Variants in USP33 observed in about 807,000 individuals in gnomAD.
The protein encoded by USP33 is ubiquitin carboxyl-terminal hydrolase 33.
A neutral mutation model predicts 124.2 loss-of-function variants in USP33; 46 were observed. The ratio of observed to expected loss-of-function variants is 0.37; its 90% CI spans 0.29 to 0.47. The LOEUF (loss-of-function observed/expected upper bound fraction) is 0.47, where lower values mean the gene tolerates loss of function less well. Among genes scored for constraint, USP33 ranks in the 20% least tolerant of loss-of-function variants. The pLI, the probability that USP33 is intolerant of heterozygous loss-of-function variation, is 0.99. For missense variants in USP33, 851 were observed against 1,070.6 expected, an observed-to-expected ratio of 0.79 and a Z score of 2.86; for synonymous variants, 350 against 352.3, an observed-to-expected ratio of 0.99 and a Z score of 0.07.
At chr1:77,697,542 GT>G in intron 23 of USP33, 68 bp from the exon 24 acceptor site, 1 of 1,487,840 alleles carries the variant, frequency 6.7e-7, no homozygotes, top group African/African-American at 1.4e-5. Context: ...CGTTCATAAT[GT>G]ACCCCCCAGC....
At chr1:77,702,141 CAAAAAAAAAAAAAAAAAA>C (rs58750531) in intron 21 of USP33, among the ~76,000 whole-genome samples, 826 of 15,782 alleles carry the variant, frequency 0.052, 42 homozygotes, top group Middle Eastern at 0.12. Context: ...GACCCTGTCT[CAAAAAAAAAAAAAAAAAA>C]AAAAAAAAAA....
At chr1:77,731,734 T>A (rs970848069) in intron 7 of USP33, among the ~76,000 whole-genome samples, 2 of 152,000 alleles carry the variant, frequency 1.3e-5, no homozygotes, top group Admixed American at 1.3e-4. Flanking sequence ...ACAAAGTAAA[T>A]CGGTGGAAGC....
In USP33 at chr1:77,730,743, A is replaced by G. The variant is rs1460294706; in HGVS notation, c.525-12T>C. 1.9e-6 allele frequency: 3 copies of G among 1,552,648 alleles called. No individual in the cohort carries two copies. In the South Asian group the frequency reaches 3.7e-5, roughly 19 times the overall value. On this transcript the variant is annotated splice_polypyrimidine_tract_variant and intron_variant, in intron 7 of 23. Coordinates refer to ENST00000370794, the MANE Select transcript of USP33 (RefSeq NM_201624.3). ...GTGTCAAAGGTGGGCTAATTTTAAA[A>G]AGAGAAAAATGTTAGAGTGGAGTCA...
intron 22 of USP33, among the ~76,000 whole-genome samples, chr1:77,700,456 T>C (rs1673878794): frequency 6.6e-6 from 1 of 152,074 alleles, no homozygotes; most frequent in Admixed American, 6.6e-5. Context: ...AAATAATTTT[T>C]AAATTAGCCA....
At chr1:77,704,037 C>T (rs1294565398) in intron 21 of USP33, among the ~76,000 whole-genome samples, 6 of 151,426 alleles carry the variant, frequency 4.0e-5, no homozygotes, top group Admixed American at 6.6e-5. Context: ...ATCTCTTGAG[C>T]GTGGGAGATC....
chr1:77,737,326 G>C (rs1678587625), intron 5 of USP33, among the ~76,000 whole-genome samples: 1 of 152,178 alleles, frequency 6.6e-6, no homozygotes, highest in Non-Finnish European at 1.5e-5. Flanking sequence ...GGACATTTGA[G>C]TGGACTTCAT....
intron 10 of USP33, among the ~76,000 whole-genome samples, chr1:77,727,191 A>G (rs1022492216): frequency 4.6e-5 from 7 of 152,174 alleles, no homozygotes; most frequent in African/African-American, 1.7e-4. Flanking sequence ...CCAGAGATGA[A>G]GTGTTTTAGG....
At chr1:77,706,313 T>C (rs1674622923) in intron 21 of USP33, among the ~76,000 whole-genome samples, 2 of 152,232 alleles carry the variant, frequency 1.3e-5, no homozygotes, top group African/African-American at 2.4e-5. Flanking sequence ...GTGTACTTTT[T>C]ATGTGCTTAT....
At position 77,697,180 on chromosome 1, in the gene USP33, C is replaced by A; in HGVS notation, c.*137G>T. 1.3e-6 allele frequency: 1 copy of A among 769,266 alleles called. No homozygotes were observed. The highest frequency in any genetic ancestry group is 1.8e-5 in the African/African-American group (1 of 56,202). 47.7% of individuals were successfully genotyped at this position (769,266 alleles called of 1,614,324 possible). A position where few individuals can be genotyped will look rare whatever the true frequency, so the allele number is the denominator to read the frequency against. ...ATTTTAATATATTCTTCCATAATGCCCACTAAGAAGAAATAAATGGGATAA... is the reference window on the plus strand; with the variant it reads ...ATTTTAATATATTCTTCCATAATGCACACTAAGAAGAAATAAATGGGATAA... On this transcript the variant is annotated 3_prime_UTR_variant, in exon 24 of 24. Transcript: ENST00000370794.
At chr1:77,701,239 C>T (rs1673980096) in intron 22 of USP33, 130 bp downstream of exon 22, 3 of 615,496 alleles carry the variant, frequency 4.9e-6, no homozygotes, top group Non-Finnish European at 8.3e-6. Flanking sequence ...ACGTAAGATC[C>T]CTGAGGACAG....
rs1680793857 is a variant in USP33, at chr1:77,756,260, T to G, written c.-52+3383A>C. Among the ~76,000 whole-genome samples the G allele has an allele frequency of 2.0e-5, 3 of 152,228 alleles. No homozygotes were observed. The South Asian group carries it at 6.2e-4, about 32-fold the overall frequency. On this transcript the variant is annotated intron_variant, in intron 1 of 23. Transcript: ENST00000370794. ...ACCTGGCTCCCCTCCTCACTTTCTA[T>G]CAGTTTCTAAATTCGGCATTTTTTT...
intron 19 of USP33, among the ~76,000 whole-genome samples, chr1:77,714,294 A>T (rs540031449): frequency 6.6e-6 from 1 of 152,346 alleles, no homozygotes; most frequent in South Asian, 2.1e-4. Context: ...CTGTAATGTA[A>T]ACAGCTGTTT....
intron 1 of USP33, among the ~76,000 whole-genome samples, chr1:77,753,329 T>G (rs1190885293): frequency 2.6e-5 from 4 of 152,086 alleles, no homozygotes; most frequent in African/African-American, 9.7e-5. Context: ...GGCTCACACC[T>G]GTAATCCCAG....
At chr1:77,751,424 G>A (rs956993093) in intron 1 of USP33, among the ~76,000 whole-genome samples, 5 of 152,190 alleles carry the variant, frequency 3.3e-5, no homozygotes, top group Admixed American at 6.5e-5. Flanking sequence ...AGACTGAGGC[G>A]GGAGGACTGC....
At chr1:77,756,950 T>C (rs190553845) in intron 1 of USP33, among the ~76,000 whole-genome samples, 74 of 152,388 alleles carry the variant, frequency 4.9e-4, no homozygotes, top group African/African-American at 1.7e-3. Context: ...ATACCTCTTC[T>C]GATCAAACAC....
intron 22 of USP33, among the ~76,000 whole-genome samples, chr1:77,698,507 T>G (rs540400502): frequency 1.4e-4 from 21 of 145,352 alleles, no homozygotes; most frequent in African/African-American, 3.1e-4. Flanking sequence ...TTTGTTTTTT[T>G]TTTTTTTTTT....
At chr1:77,750,648 G>C (rs928169770) in intron 1 of USP33, among the ~76,000 whole-genome samples, 1 of 146,730 alleles carries the variant, frequency 6.8e-6, no homozygotes, top group Non-Finnish European at 1.5e-5. Flanking sequence ...AAGAAAGAAA[G>C]AAAGAAAGAA....
rs1376051708 is a variant in USP33 at position 77,736,163 on chromosome 1, A to G, written c.352-5T>C. ...ATTACTGGGTATTTTAAAATCCTTG[A>G]TAACAAAAAAAGATAGCACACTTGA... On this transcript the variant is annotated splice_region_variant and splice_polypyrimidine_tract_variant and intron_variant, in intron 5 of 23. Transcript: ENST00000370794. 2 of 1,592,628 alleles carry G rather than the reference A, an allele frequency of 1.3e-6. No homozygotes were observed. Among genetic ancestry groups the G allele is most frequent in the South Asian group, 1.1e-5 (1 of 88,212 alleles).
chr1:77,726,250 C>T (rs762342127), intron 10 of USP33, among the ~76,000 whole-genome samples: 5 of 151,972 alleles, frequency 3.3e-5, no homozygotes, highest in Non-Finnish European at 5.9e-5. Flanking sequence ...GTGCCCAATC[C>T]CAACTAATGT....
Sources: allele counts gnomAD v4.1 joint callset (sites outside exome capture counted in the v4.1 genomes callset), GRCh38; gene constraint gnomAD v4.1.1; transcripts MANE v1.5; gene names NCBI Gene and HGNC (gene_info 2026-07-23, HGNC 2026-07-21).